TTC23L: variants seen among roughly 807,000 people sequenced by gnomAD.
TTC23L encodes the protein tetratricopeptide repeat protein 23-like.
Under a neutral mutation model 48.1 loss-of-function variants are expected in TTC23L, and 42 were observed. The observed-to-expected ratio is 0.87, with a 90% CI of 0.68 to 1.13. The LOEUF (loss-of-function observed/expected upper bound fraction) is 1.13. Among genes scored for constraint, TTC23L ranks in the 50% most tolerant of loss-of-function variants. The pLI, the probability that TTC23L is intolerant of heterozygous loss-of-function variation, is 0.00. For missense variants in TTC23L, 391 were observed against 421.0 expected (o/e 0.93, Z 0.62); for synonymous variants, 159 against 157.2 (o/e 1.01, Z -0.09).
At chr5:34,865,071 G>C (rs1760954404) in intron 6 of TTC23L, among the ~76,000 whole-genome samples, 1 of 152,226 alleles carries the variant, frequency 6.6e-6, no homozygotes, top group Non-Finnish European at 1.5e-5. Flanking sequence ...TGAAAACAAA[G>C]TTCATGGAAT....
intron 4 of TTC23L, among the ~76,000 whole-genome samples, chr5:34,858,036 C>T (rs2150380444): frequency 6.6e-6 from 1 of 152,286 alleles, no homozygotes; most frequent in Non-Finnish European, 1.5e-5. Flanking sequence ...GAATCCCAAC[C>T]CAAACTAAAG....
chr5:34,891,402 A>G (rs1762858199), intron 9 of TTC23L, among the ~76,000 whole-genome samples: 1 of 152,224 alleles, frequency 6.6e-6, no homozygotes, highest in South Asian at 2.1e-4. Context: ...TGAGTTTTAA[A>G]TAAAATCATG....
the TTC23L span, chr5:34,907,342 G>A: frequency 5.3e-5 from 8 of 152,130 alleles, no homozygotes; most frequent in African/African-American, 1.9e-4. Flanking sequence ...GGGCCAGAAA[G>A]GCTAAATGAA....
At chr5:34,914,664 G>A in the TTC23L span, 1 of 1,605,306 alleles carries the variant, frequency 6.2e-7, no homozygotes, top group African/African-American at 1.3e-5. Context: ...GAGTATCTAT[G>A]GCACAGGCTT....
intron 9 of TTC23L, chr5:34,883,663 G>A (rs1467813710): frequency 6.6e-6 from 1 of 152,078 alleles, no homozygotes; most frequent in Admixed American, 6.6e-5. Flanking sequence ...CAACAAATTG[G>A]ATAACCTAAA....
At chr5:34,915,021 T>C in the TTC23L span, 1 of 979,114 alleles carries the variant, frequency 1.0e-6, no homozygotes, top group African/African-American at 1.6e-5. Context: ...GAGCTCCACC[T>C]GCGCTGAGAG....
chr5:34,880,619 C>A, intron 9 of TTC23L: 1 of 426,622 alleles, frequency 2.3e-6, no homozygotes. Context: ...CATATGTTTG[C>A]TTCTAACGGT....
the TTC23L span, chr5:34,909,425 A>C: frequency 4.6e-6 from 5 of 1,092,926 alleles, no homozygotes; most frequent in Non-Finnish European, 6.8e-6. Flanking sequence ...CAAATAAAGA[A>C]AACACTTCCT....
At chr5:34,853,438 G>A (rs1323373174) in intron 4 of TTC23L, among the ~76,000 whole-genome samples, 2 of 152,150 alleles carry the variant, frequency 1.3e-5, no homozygotes, top group African/African-American at 4.8e-5. Context: ...GGCTGAGGCA[G>A]GAGAATTGCT....
intron 2 of TTC23L, among the ~76,000 whole-genome samples, chr5:34,844,352 T>C (rs1225078741): frequency 2.0e-5 from 3 of 151,254 alleles, no homozygotes; most frequent in Non-Finnish European, 4.4e-5. Flanking sequence ...TAGAAGGATA[T>C]TAGCATGTCA....
the TTC23L span, chr5:34,920,390 A>G: frequency 6.6e-6 from 1 of 152,374 alleles, no homozygotes; most frequent in Admixed American, 6.5e-5. Flanking sequence ...AGCACAGAAC[A>G]TAAATTTACA....
In TTC23L at chr5:34,839,590, G is replaced by A; in HGVS notation, c.-8+331G>A. ...TGTGGGCATAGTGTTTAAAGTGGAG[G>A]TTAAAAAGAGAAATTAGTGACTCTC... On this transcript the variant is annotated intron_variant, in intron 1 of 10. Transcript: ENST00000505624. The A allele has an allele frequency of 3.1e-6, 3 of 982,698 alleles. No homozygotes were observed. In the South Asian group the frequency reaches 1.4e-4, roughly 46 times the overall value. 60.9% of individuals were successfully genotyped at this position (982,698 alleles called of 1,614,324 possible).
At chr5:34,924,686 T>G in the TTC23L span, among the ~76,000 whole-genome samples, 1 of 152,146 alleles carries the variant, frequency 6.6e-6, no homozygotes, top group South Asian at 2.1e-4. Context: ...ACTAATAGAT[T>G]TCAGAAAATA....
intron 2 of TTC23L, among the ~76,000 whole-genome samples, chr5:34,844,020 T>A (rs1758908973): frequency 6.6e-6 from 1 of 152,058 alleles, no homozygotes; most frequent in South Asian, 2.1e-4. Flanking sequence ...TTGGGGGAAA[T>A]TTTTGAAAGC....
At chr5:34,918,288 G>A in the TTC23L span, 2 of 773,202 alleles carry the variant, frequency 2.6e-6, no homozygotes, top group Admixed American at 2.2e-5. Flanking sequence ...CTGGGCAACA[G>A]TGTGAGACCC....
chr5:34,883,873 T>G (rs947602776), intron 9 of TTC23L, among the ~76,000 whole-genome samples: 39 of 152,314 alleles, frequency 2.6e-4, no homozygotes, highest in South Asian at 4.1e-4. Flanking sequence ...TCTTCCATTT[T>G]CTGGAAGAGG....
the TTC23L span, chr5:34,921,597 A>T: frequency 6.6e-6 from 1 of 152,158 alleles, no homozygotes. Context: ...TAGTTTGTCA[A>T]TGGGACTATG....
intron 4 of TTC23L, chr5:34,860,680 A>T (rs1760548607): frequency 6.6e-6 from 1 of 152,120 alleles, no homozygotes; most frequent in Admixed American, 6.5e-5. Flanking sequence ...TGGAACAGAT[A>T]TTTCTGAGTA....
At chr5:34,924,220 G>A in the TTC23L span, among the ~76,000 whole-genome samples, 6 of 152,274 alleles carry the variant, frequency 3.9e-5, 1 homozygote, top group African/African-American at 1.4e-4. Context: ...AGGTGGAAGA[G>A]AACAGCAAGA....
Sources: gnomAD v4.1 joint callset for allele counts (sites outside exome capture counted in the v4.1 genomes callset) on GRCh38, gnomAD v4.1.1 for gene constraint, MANE v1.5 for transcripts, NCBI Gene and HGNC (gene_info 2026-07-23, HGNC 2026-07-21) for gene names.